COL13A1: variants seen among roughly 807,000 people sequenced by gnomAD.
COL13A1 encodes collagen type XIII alpha 1 chain, also known as collagen alpha-1(XIII) chain.
COL13A1 carries 89 observed loss-of-function variants against 130.9 expected under a neutral mutation model. The observed-to-expected ratio is 0.68, with a 90% CI of 0.57 to 0.81. The LOEUF (loss-of-function observed/expected upper bound fraction) is 0.81. Ranked by LOEUF, COL13A1 falls within the 30% of genes least tolerant of loss-of-function variation. COL13A1 has a pLI of 0.00. For missense variants in COL13A1, 879 were observed against 934.6 expected (o/e 0.94, Z 0.78); for synonymous variants, 402 against 341.6 (o/e 1.18, Z -1.95).
intron 2 of COL13A1, among the ~76,000 whole-genome samples, chr10:69,848,878 A>G (rs1391241914): frequency 6.6e-6 from 1 of 152,190 alleles, no homozygotes; most frequent in African/African-American, 2.4e-5. Flanking sequence ...GCTACCTAGC[A>G]TGGACATTTG....
chr10:69,920,404 G>C (rs1267327785), intron 21 of COL13A1, among the ~76,000 whole-genome samples: 1 of 152,196 alleles, frequency 6.6e-6, no homozygotes, highest in African/African-American at 2.4e-5. Flanking sequence ...ACACTCACCT[G>C]ATATTGGACA....
At chr10:69,929,773 A>G (rs1178987871) in intron 28 of COL13A1, among the ~76,000 whole-genome samples, 1 of 152,198 alleles carries the variant, frequency 6.6e-6, no homozygotes, top group Non-Finnish European at 1.5e-5. Context: ...TTGTGGCTAA[A>G]ACATGGACAT....
intron 37 of COL13A1, among the ~76,000 whole-genome samples, chr10:69,946,792 T>C (rs2068614055): frequency 1.3e-5 from 2 of 151,880 alleles, no homozygotes; most frequent in African/African-American, 4.8e-5. Flanking sequence ...TTTTTTGTTT[T>C]TTGTTTTTTG....
chr10:69,948,173 A>G (rs1037837391), intron 38 of COL13A1, among the ~76,000 whole-genome samples: 1 of 152,236 alleles, frequency 6.6e-6, no homozygotes, highest in African/African-American at 2.4e-5. Context: ...AGATGGAGAA[A>G]CAAGGCCCAG....
chr10:69,930,241 C>A (rs981596784), intron 29 of COL13A1, among the ~76,000 whole-genome samples, 154 bp downstream of exon 29: 6 of 152,084 alleles, frequency 3.9e-5, no homozygotes, highest in African/African-American at 1.4e-4. Flanking sequence ...GCCCACCCTG[C>A]AAGCCCCAGG....
At chr10:69,821,944 A>C (rs752696464) in intron 1 of COL13A1, among the ~76,000 whole-genome samples, 11 of 152,108 alleles carry the variant, frequency 7.2e-5, no homozygotes, top group Non-Finnish European at 1.5e-4. Context: ...CCAGCTTGCA[A>C]ATGCTAGCTT....
At chr10:69,952,035 T>C (rs750631888) in intron 38 of COL13A1, among the ~76,000 whole-genome samples, 4 of 152,220 alleles carry the variant, frequency 2.6e-5, no homozygotes, top group African/African-American at 4.8e-5. Context: ...ACACATACAA[T>C]ATAGGATTCA....
intron 9 of COL13A1, among the ~76,000 whole-genome samples, chr10:69,888,707 G>A (rs1270066129): frequency 6.6e-6 from 1 of 152,134 alleles, no homozygotes; most frequent in Non-Finnish European, 1.5e-5. Flanking sequence ...CCCAGCACCT[G>A]TGTCTCCCAT....
In COL13A1 at chr10:69,930,212, G is replaced by T. The variant is rs115514231; in HGVS notation, c.1530+125G>T. 12 of 1,030,784 alleles carry T rather than the reference G, an allele frequency of 1.2e-5. 1 individual carries two copies. The highest frequency in any genetic ancestry group is 5.2e-5 in the African/African-American group (3 of 57,804). The allele number at this position is 1,030,784 out of a possible 1,614,324, so 63.9% of individuals were successfully genotyped here. A position where few individuals can be genotyped will look rare whatever the true frequency, so the allele number is the denominator to read the frequency against. On this transcript the variant is annotated intron_variant, in intron 29 of 40. Coordinates refer to ENST00000645393, the MANE Select transcript of COL13A1 (RefSeq NM_001368882.1). ...CCAGTGGGCAAGGGAAGGGGAGATG[G>T]GGGGGGGCAGGGAGAGGGGCCCACC... is the stretch of plus-strand genomic sequence containing the variant.
At chr10:69,819,100 A>G (rs1845380192) in intron 1 of COL13A1, among the ~76,000 whole-genome samples, 2 of 152,252 alleles carry the variant, frequency 1.3e-5, no homozygotes, top group African/African-American at 4.8e-5. Flanking sequence ...TTAGTAGAAA[A>G]TAAACATAGG....
chr10:69,866,310 G>A (rs184285814), intron 2 of COL13A1, among the ~76,000 whole-genome samples: 4 of 152,322 alleles, frequency 2.6e-5, no homozygotes, highest in Admixed American at 6.5e-5. Context: ...CATCACCAGA[G>A]CCTGCCACAG....
rs1322587344 is a variant in COL13A1 at position 69,930,628 on chromosome 10, C to T, written c.1683+76C>T. 2.0e-6 allele frequency: 3 copies of T among 1,494,040 alleles called. No homozygotes were observed. The African/African-American group carries it at 4.2e-5, about 21-fold the overall frequency. The allele number at this position is 1,494,040 out of a possible 1,614,324, so 92.5% of individuals were successfully genotyped here. A position where few individuals can be genotyped will look rare whatever the true frequency, so the allele number is the denominator to read the frequency against. On this transcript the variant is annotated intron_variant, in intron 30 of 40. Coordinates refer to ENST00000645393, the MANE Select transcript of COL13A1 (RefSeq NM_001368882.1). ...GACGCCAGCTTTGCAGGGCTTTGCACTTTGCATGATGTGAGCTGCTGCCTG... is the reference window on the plus strand; with the variant it reads ...GACGCCAGCTTTGCAGGGCTTTGCATTTTGCATGATGTGAGCTGCTGCCTG...
At chr10:69,874,104 A>G (rs1468613432) in intron 4 of COL13A1, among the ~76,000 whole-genome samples, 1 of 152,266 alleles carries the variant, frequency 6.6e-6, no homozygotes, top group East Asian at 1.9e-4. Flanking sequence ...CTTTAGCAAA[A>G]GTGAAACATT....
chr10:69,880,548 C>G lies in COL13A1; in HGVS notation c.508C>G (p.Pro170Ala). 1.2e-6 allele frequency: 2 copies of G among 1,613,336 alleles called. No individual in the cohort carries two copies. Among genetic ancestry groups the G allele is most frequent in the Non-Finnish European group, 1.7e-6 (2 of 1,179,744 alleles). The change falls in exon 7 of 41, where the codon CCC becomes GCC. Residue 170 changes from proline (P) to alanine (A), a missense_variant. Pro to Ala is a conservative substitution (Grantham distance 27). Around this residue, in one of 3 missense-constraint regions of COL13A1, gnomAD observed 715 missense variants for 721.0 expected, o/e 0.99. Coordinates refer to ENST00000645393, the MANE Select transcript of COL13A1 (RefSeq NM_001368882.1). Reference protein sequence around the residue: ...AGLSIIGPRGPPGQPGTRGFP... With the variant: ...AGLSIIGPRGAPGQPGTRGFP... ...GCTGTCCATCATTGGTCCCCGCGGC[C>G]CCCCTGTAAGTTGTTTTTGCTCTTC...
intron 7 of COL13A1, 57 bp downstream of exon 7, chr10:69,880,610 G>A: frequency 6.4e-7 from 1 of 1,570,376 alleles, no homozygotes; most frequent in Non-Finnish European, 8.7e-7. Context: ...TTGATGAAAA[G>A]GGCTTTTAGG....
At chr10:69,803,627 C>T (rs552319111) in intron 1 of COL13A1, among the ~76,000 whole-genome samples, 3 of 152,106 alleles carry the variant, frequency 2.0e-5, no homozygotes, top group Admixed American at 6.5e-5. Context: ...GGAGCAGGTC[C>T]TGGCCATGGA....
chr10:69,945,262 T>C (rs1311076466), intron 36 of COL13A1, among the ~76,000 whole-genome samples: 1 of 152,256 alleles, frequency 6.6e-6, no homozygotes, highest in East Asian at 1.9e-4. Context: ...AGCTTCTCCG[T>C]GACCACCAGC....
intron 20 of COL13A1, 109 bp downstream of exon 20, chr10:69,919,197 C>T: frequency 7.1e-7 from 1 of 1,415,356 alleles, no homozygotes; most frequent in Non-Finnish European, 9.9e-7. Context: ...TGGCCTGGGA[C>T]TGGGGACCTG....
intron 10 of COL13A1, 147 bp from the exon 11 acceptor site, chr10:69,894,405 A>T (rs954946997): frequency 1.2e-6 from 1 of 869,260 alleles, no homozygotes. Flanking sequence ...TGAATAAGAC[A>T]TCTTGAATGT....
Sources: gnomAD v4.1 joint callset for allele counts (sites outside exome capture counted in the v4.1 genomes callset) on GRCh38, gnomAD v4.1.1 for gene constraint, gnomAD v4.1.1 regional missense constraint, MANE v1.5 for transcripts, NCBI Gene and HGNC (gene_info 2026-07-23, HGNC 2026-07-21) for gene names.